The following PLA2G6 variants were observed in gnomAD, a reference collection of about 807,000 sequenced individuals.
The protein encoded by PLA2G6 is 85/88 kDa calcium-independent phospholipase A2.
In PLA2G6, 62 loss-of-function variants were observed where a neutral mutation model predicts 83.8. The observed-to-expected ratio is 0.74, with a 90% CI of 0.60 to 0.91. The LOEUF (loss-of-function observed/expected upper bound fraction) is 0.91, where lower values mean the gene tolerates loss of function less well. Ranked by LOEUF, PLA2G6 falls within the 40% of genes least tolerant of loss-of-function variation. The pLI is 0.00. For synonymous variants in PLA2G6, 417 were observed against 449.8 expected, an observed-to-expected ratio of 0.93 and a Z score of 0.92; for missense variants, 944 against 1,102.0, an observed-to-expected ratio of 0.86 and a Z score of 2.03.
intron 2 of PLA2G6, chr22:38,148,380 A>C: frequency 1.6e-6 from 1 of 641,984 alleles, no homozygotes; most frequent in Non-Finnish European, 2.8e-6. Context: ...TTAACAGCAG[A>C]CTAGGGAATG....
At chr22:38,151,268 C>T (rs1247777893) in intron 2 of PLA2G6, among the ~76,000 whole-genome samples, 1 of 150,308 alleles carries the variant, frequency 6.7e-6, no homozygotes, top group East Asian at 1.9e-4. Context: ...TTTTTGGAGA[C>T]ATGGTCTCAC....
intron 5 of PLA2G6, chr22:38,136,652 A>G (rs1372353380): frequency 6.7e-6 from 1 of 148,192 alleles, no homozygotes. Flanking sequence ...AATCTATCAC[A>G]GTTGGAAAAA....
In PLA2G6 at chr22:38,115,739, C is replaced by CA. The variant is rs1602067059; in HGVS notation, c.1880-59dup. ...ACAAGGGACTGGCATAAAACCCATG[C>CA]ACTCCAGATCTCAGGGTGTGCGTGT... On this transcript the variant is annotated intron_variant, in intron 13 of 16. Coordinates refer to ENST00000332509, the MANE Select transcript of PLA2G6 (RefSeq NM_003560.4). The CA allele has an allele frequency of 1.9e-6, 3 of 1,544,498 alleles. No individual in the cohort carries two copies. In the African/African-American group the frequency reaches 4.1e-5, roughly 21 times the overall value.
chr22:38,162,699 T>C (rs1476611174), intron 2 of PLA2G6, among the ~76,000 whole-genome samples: 2 of 152,044 alleles, frequency 1.3e-5, no homozygotes, highest in Non-Finnish European at 2.9e-5. Flanking sequence ...CCCAGGCTCG[T>C]AGATACCTAT....
rs1205469535 is a variant in PLA2G6, at chr22:38,132,118, A to G, written c.1077+713T>C. On this transcript the variant is annotated intron_variant, in intron 7 of 16. Transcript: ENST00000332509. This position sits in a 1 kb window ranked among gnomAD's most constrained non-coding sequence, Gnocchi z 5.0. ...CGACAGTGCGAGACTCCATCTCGAA[A>G]AAAAAGAATACATGCACACACATAT... The G allele has an allele frequency of 4.4e-6, 2 of 455,884 alleles. No individual in the cohort carries two copies. Among genetic ancestry groups the G allele is most frequent in the Non-Finnish European group, 4.4e-6 (1 of 226,860 alleles). 28.2% of individuals were successfully genotyped at this position (455,884 alleles called of 1,614,324 possible). A position where few individuals can be genotyped will look rare whatever the true frequency, so the allele number is the denominator to read the frequency against.
chr22:38,155,040 A>G (rs1371201927), intron 2 of PLA2G6, among the ~76,000 whole-genome samples: 1 of 152,190 alleles, frequency 6.6e-6, no homozygotes, highest in Admixed American at 6.5e-5. Flanking sequence ...ATCCTGGCTA[A>G]CATGGTGAAA....
intron 1 of PLA2G6, among the ~76,000 whole-genome samples, chr22:38,178,669 G>C (rs985137379): frequency 6.6e-6 from 1 of 151,962 alleles, no homozygotes; most frequent in Non-Finnish European, 1.5e-5. Flanking sequence ...GTTCAAGACC[G>C]GCCTGGCCAA....
At chr22:38,142,661 A>T in intron 4 of PLA2G6, 1 of 259,960 alleles carries the variant, frequency 3.8e-6, no homozygotes, top group East Asian at 9.1e-5. Context: ...AAAGTTTGTG[A>T]ATTTGTGTTG....
intron 12 of PLA2G6, among the ~76,000 whole-genome samples, chr22:38,120,478 A>AGGCAGGGCAGAGCCGGCAGGGCAGAGCCG (rs1216551083): frequency 6.6e-6 from 1 of 150,802 alleles, no homozygotes; most frequent in African/African-American, 2.5e-5. Context: ...GGGCAGAGCC[A>AGGCAGGGCAGAGCCGGCAGGGCAGAGCCG]GGCAGGGCAG....
intron 10 of PLA2G6, among the ~76,000 whole-genome samples, chr22:38,125,864 C>T (rs11570710): frequency 0.02 from 3,069 of 152,334 alleles, 91 homozygotes; most frequent in African/African-American, 0.07. Context: ...TTCAAGCACC[C>T]GGGATTATGC....
At chr22:38,138,319 C>A (rs747530538) in intron 5 of PLA2G6, 8 of 152,666 alleles carry the variant, frequency 5.2e-5, no homozygotes, top group Non-Finnish European at 8.8e-5. Flanking sequence ...TTTCTGAAAG[C>A]TCTAGCTCAT....
At position 38,120,881 on chromosome 22, in the gene PLA2G6, C is replaced by T. The variant is rs527807604; in HGVS notation, c.1620G>A (p.Met540Ile). The change falls in exon 12 of 17, where the codon ATG (methionine) becomes ATA (isoleucine). Residue 540 changes from methionine (M) to isoleucine (I), a missense_variant. Physicochemically the swap from Met to Ile is conservative, Grantham distance 10. Coordinates refer to ENST00000332509, the MANE Select transcript of PLA2G6 (RefSeq NM_003560.4). The part of the protein sequence containing the change: ...HSKSMAYMRG[M>I]YFRMKDEVFR... ...ACACCTCATCCTTCATGCGAAAGTACATGCCGCGCATGTAGGCCATGGACT... is the reference window on the plus strand; with the variant it reads ...ACACCTCATCCTTCATGCGAAAGTATATGCCGCGCATGTAGGCCATGGACT... 2.5e-6 allele frequency: 4 copies of T among 1,613,778 alleles called. No individual in the cohort carries two copies. Among genetic ancestry groups the T allele is most frequent in the East Asian group, 4.5e-5 (2 of 44,878 alleles).
chr22:38,133,085 T>C, intron 6 of PLA2G6, 72 bp from the exon 7 acceptor site: 1 of 1,387,764 alleles, frequency 7.2e-7, no homozygotes, highest in Non-Finnish European at 9.9e-7. Context: ...ACGTGGGCAC[T>C]GCCACTTCTG....
intron 2 of PLA2G6, among the ~76,000 whole-genome samples, chr22:38,165,138 A>AGTC (rs1196509487): frequency 6.6e-6 from 1 of 152,166 alleles, no homozygotes; most frequent in Non-Finnish European, 1.5e-5. Flanking sequence ...TCAATGCAAC[A>AGTC]GTCCTCCACC....
At position 38,143,150 on chromosome 22, in the gene PLA2G6, G is replaced by T; in HGVS notation, c.564C>A (p.Thr188=). Residue 188 remains threonine (T), a synonymous_variant, in exon 4 of 17, where the codon ACC becomes ACA. Transcript: ENST00000332509. ...CACCCTGGACAGCATAATGGAAGAC[G>T]GTCTCTCCCTTGTAGTCGGTGACAT... ...QMDVTDYKGE[T]VFHYAVQGDN... 1.2e-6 allele frequency: 2 copies of T among 1,614,164 alleles called. No individual in the cohort carries two copies. The highest frequency in any genetic ancestry group is 1.7e-6 in the Non-Finnish European group (2 of 1,180,020).
chr22:38,169,600 A>G (rs2090355974), intron 1 of PLA2G6, 129 bp from the exon 2 acceptor site: 1 of 652,590 alleles, frequency 1.5e-6, no homozygotes, highest in Non-Finnish European at 2.8e-6. Flanking sequence ...CTGGGCCTGG[A>G]GGGATCTTAA....
At chr22:38,147,628 C>A (rs978227286) in intron 2 of PLA2G6, 1 of 154,500 alleles carries the variant, frequency 6.5e-6, no homozygotes, top group South Asian at 2.1e-4. Flanking sequence ...GCAACCTCTG[C>A]CCCCTGGGTT....
chr22:38,171,783 C>T (rs133001), intron 1 of PLA2G6, among the ~76,000 whole-genome samples: 17,097 of 150,382 alleles, frequency 0.11, 1,157 homozygotes, highest in African/African-American at 0.17. Context: ...ATAGCACCAC[C>T]GCACTCCAGC....
intron 12 of PLA2G6, chr22:38,116,414 G>A (rs1340265350): frequency 1.4e-6 from 1 of 725,760 alleles, no homozygotes; most frequent in Admixed American, 2.0e-5. Context: ...GTCCAACCTT[G>A]GGGGCACAAT....
Sources: allele counts gnomAD v4.1 joint callset (sites outside exome capture counted in the v4.1 genomes callset), GRCh38; gene constraint gnomAD v4.1.1; non-coding constraint Gnocchi (gnomAD v3.1); transcripts MANE v1.5; gene names NCBI Gene and HGNC (gene_info 2026-07-23, HGNC 2026-07-21).